Variants in PAMR1 observed in about 807,000 individuals in gnomAD.
PAMR1 encodes peptidase domain containing associated with muscle regeneration 1, also known as inactive serine protease PAMR1.
A neutral mutation model predicts 81.8 loss-of-function variants in PAMR1; 88 were observed. The observed-to-expected ratio is 1.08, with a 90% CI of 0.91 to 1.28. PAMR1 has a LOEUF of 1.28. PAMR1 is among the 50% of genes most tolerant of loss of function. The probability of loss-of-function intolerance (pLI) is 0.00; values close to 1 mark genes in which losing one functional copy is unlikely to be tolerated. For synonymous variants in PAMR1, 336 were observed against 345.3 expected (o/e 0.97, Z 0.30); for missense variants, 935 against 919.7 (o/e 1.02, Z -0.21).
intron 6 of PAMR1, among the ~76,000 whole-genome samples, chr11:35,466,696 T>G (rs373591963): frequency 1.6e-5 from 2 of 126,462 alleles, no homozygotes; most frequent in East Asian, 2.2e-4. Context: ...CACTGCACTC[T>G]AGCCTGGGCG....
chr11:35,486,700 T>C (rs1850516256), intron 3 of PAMR1, among the ~76,000 whole-genome samples: 1 of 152,228 alleles, frequency 6.6e-6, no homozygotes, highest in Non-Finnish European at 1.5e-5. Context: ...AAAAGACACA[T>C]GCTCAGGATT....
intron 2 of PAMR1, among the ~76,000 whole-genome samples, chr11:35,493,060 ACT>A (rs1850659465): frequency 6.6e-6 from 1 of 151,792 alleles, no homozygotes; most frequent in Non-Finnish European, 1.5e-5. Context: ...ATCCGACTTG[ACT>A]CTGTTCTTCC....
intron 5 of PAMR1, among the ~76,000 whole-genome samples, chr11:35,468,724 T>C (rs1206187538): frequency 6.6e-6 from 1 of 152,228 alleles, no homozygotes; most frequent in Admixed American, 6.5e-5. Flanking sequence ...CCAATATACA[T>C]TGTGAGTTTC....
intron 6 of PAMR1, among the ~76,000 whole-genome samples, chr11:35,467,118 C>G (rs1047600201): frequency 6.6e-6 from 1 of 152,132 alleles, no homozygotes; most frequent in Non-Finnish European, 1.5e-5. Context: ...AGCCCAGATC[C>G]CTTGCCTTAA....
At chr11:35,439,574 A>G in intron 8 of PAMR1, 53 bp downstream of exon 8, 1 of 1,401,888 alleles carries the variant, frequency 7.1e-7, no homozygotes, top group Non-Finnish European at 1.0e-6. Flanking sequence ...AGGGGAATGG[A>G]AGGGGAAATA....
At chr11:35,452,361 TA>T (rs1479745038) in intron 6 of PAMR1, among the ~76,000 whole-genome samples, 2 of 151,798 alleles carry the variant, frequency 1.3e-5, no homozygotes, top group African/African-American at 4.8e-5. Context: ...ATAAGGGACA[TA>T]GGGGATAGAG....
chr11:35,518,213 GC>G (rs1851204971), intron 1 of PAMR1, among the ~76,000 whole-genome samples: 2 of 56,298 alleles, frequency 3.6e-5, no homozygotes, highest in South Asian at 1.9e-3. Flanking sequence ...CTTACCACCA[GC>G]CATGTCCTCA....
chr11:35,528,666 T>C (rs907716678), upstream of PAMR1, among the ~76,000 whole-genome samples: 3 of 152,166 alleles, frequency 2.0e-5, no homozygotes, highest in African/African-American at 7.2e-5. Context: ...CTAAGATGGG[T>C]AGGGAAGAAA....
At chr11:35,444,159 G>A (rs1856243570) in intron 6 of PAMR1, among the ~76,000 whole-genome samples, 1 of 152,154 alleles carries the variant, frequency 6.6e-6, no homozygotes, top group South Asian at 2.1e-4. Context: ...TTTGAGAAGT[G>A]TCTGTTCATG....
intron 3 of PAMR1, among the ~76,000 whole-genome samples, chr11:35,481,780 C>T (rs1850398372): frequency 6.6e-6 from 1 of 152,186 alleles, no homozygotes; most frequent in African/African-American, 2.4e-5. Context: ...CCTCAGCCTC[C>T]CAAAGTGCTG....
chr11:35,434,912 C>T, intron 9 of PAMR1, 108 bp from the exon 10 acceptor site: 1 of 988,428 alleles, frequency 1.0e-6, no homozygotes, highest in Non-Finnish European at 1.5e-6. Context: ...ACTGTATGGG[C>T]ATGATGACCA....
At chr11:35,511,486 C>A (rs1372763185) in intron 1 of PAMR1, among the ~76,000 whole-genome samples, 1 of 152,208 alleles carries the variant, frequency 6.6e-6, no homozygotes, top group Non-Finnish European at 1.5e-5. Flanking sequence ...TGGCCAAGAC[C>A]ACCCCAGAAG....
chr11:35,513,155 G>C (rs1486870758), intron 1 of PAMR1, among the ~76,000 whole-genome samples: 1 of 152,316 alleles, frequency 6.6e-6, no homozygotes, highest in East Asian at 1.9e-4. Flanking sequence ...GGGAGATATT[G>C]TTATATTCTG....
At chr11:35,441,429 AG>A in intron 7 of PAMR1, 51 bp downstream of exon 7, 3 of 1,362,692 alleles carry the variant, frequency 2.2e-6, no homozygotes, top group Non-Finnish European at 3.1e-6. Context: ...GCTACCAAAA[AG>A]TCTAGCAACT....
intron 6 of PAMR1, among the ~76,000 whole-genome samples, chr11:35,467,114 G>A (rs1856771657): frequency 6.6e-6 from 1 of 152,138 alleles, no homozygotes; most frequent in South Asian, 2.1e-4. Flanking sequence ...TGAAAGCCCA[G>A]ATCCCTTGCC....
chr11:35,526,757 T>C (rs766593535), upstream of PAMR1, among the ~76,000 whole-genome samples: 3 of 152,204 alleles, frequency 2.0e-5, no homozygotes, highest in African/African-American at 4.8e-5. Context: ...CACCATTTGA[T>C]ATGGCTTCGC....
upstream of PAMR1, among the ~76,000 whole-genome samples, chr11:35,526,820 G>A (rs946049406): frequency 1.3e-5 from 2 of 152,186 alleles, no homozygotes; most frequent in African/African-American, 4.8e-5. Context: ...AACCCCACGT[G>A]TCATGGGAGG....
At chr11:35,496,019 T>A (rs1850722234) in intron 1 of PAMR1, among the ~76,000 whole-genome samples, 1 of 152,236 alleles carries the variant, frequency 6.6e-6, no homozygotes, top group African/African-American at 2.4e-5. Flanking sequence ...CACTGAGATT[T>A]CTTTCCACCA....
chr11:35,519,322 GA>G (rs1309639368), intron 1 of PAMR1, among the ~76,000 whole-genome samples: 1 of 152,194 alleles, frequency 6.6e-6, no homozygotes, highest in Non-Finnish European at 1.5e-5. Context: ...AAAGAAGGGG[GA>G]AAAATGCTCC....
Sources: gnomAD v4.1 joint callset for allele counts (sites outside exome capture counted in the v4.1 genomes callset) on GRCh38, gnomAD v4.1.1 for gene constraint, MANE v1.5 for transcripts, NCBI Gene and HGNC (gene_info 2026-07-23, HGNC 2026-07-21) for gene names.